Variants in ARSF observed in about 807,000 individuals in gnomAD.
ARSF encodes arylsulfatase F.
A neutral mutation model predicts 35.4 loss-of-function variants in ARSF; 33 were observed. The observed-to-expected ratio is 0.93, with a 90% CI of 0.71 to 1.25. The LOEUF (loss-of-function observed/expected upper bound fraction) is 1.25. ARSF is among the 50% of genes most tolerant of loss of function. The pLI is 0.00. For synonymous variants in ARSF, 222 were observed against 193.1 expected, an observed-to-expected ratio of 1.15 and a Z score of -1.24; for missense variants, 501 against 480.2, an observed-to-expected ratio of 1.04 and a Z score of -0.40.
intron 6 of ARSF, among the ~76,000 whole-genome samples, chrX:3,084,905 T>C (rs1290690596): frequency 1.8e-5 from 2 of 112,089 alleles, no homozygotes; most frequent in Admixed American, 1.9e-4. Flanking sequence ...TTACAAATTA[T>C]ATGAATGTAT....
At chrX:3,106,330 A>G (rs1226732848) in intron 9 of ARSF, among the ~76,000 whole-genome samples, 1 of 112,193 alleles carries the variant, frequency 8.9e-6, no homozygotes, top group Admixed American at 9.5e-5. Flanking sequence ...GGTTATTCCT[A>G]TGCTTGGTTC....
chrX:3,067,785 G>C (rs999010650), intron 1 of ARSF, among the ~76,000 whole-genome samples: 4 of 108,688 alleles, frequency 3.7e-5, no homozygotes, highest in Non-Finnish European at 7.6e-5. Flanking sequence ...CTTGAACCCG[G>C]GAGGCAGAGG....
At chrX:3,092,176 GATACATACATACATACATAC>G (rs776181940) in intron 7 of ARSF, among the ~76,000 whole-genome samples, 1 of 41,117 alleles carries the variant, frequency 2.4e-5, no homozygotes, top group Non-Finnish European at 5.1e-5. Context: ...ATGATAGATA[GATACATACATACATACATAC>G]ATACATACAT....
At chrX:3,045,950 T>C (rs1376157806) in intron 1 of ARSF, among the ~76,000 whole-genome samples, 1 of 110,722 alleles carries the variant, frequency 9.0e-6, no homozygotes, top group Non-Finnish European at 1.9e-5. Flanking sequence ...TGGCGTGATC[T>C]TGGCCTAATG....
At chrX:3,066,091 T>TAAACA (rs975516860) in intron 1 of ARSF, among the ~76,000 whole-genome samples, 18 of 111,614 alleles carry the variant, frequency 1.6e-4, no homozygotes, top group African/African-American at 4.2e-4. Context: ...ACCAGTCTCA[T>TAAACA]AAACAAAACA....
At chrX:3,063,416 A>C (rs1407405563) in intron 1 of ARSF, among the ~76,000 whole-genome samples, 1 of 111,714 alleles carries the variant, frequency 9.0e-6, no homozygotes, top group Non-Finnish European at 1.9e-5. Context: ...GCTCTCTTTC[A>C]CCACTCCTAT....
chrX:3,103,677 A>ATAC, intron 8 of ARSF, 85 bp from the exon 9 acceptor site: 1 of 1,092,012 alleles, frequency 9.2e-7, no homozygotes, highest in Admixed American at 2.3e-5. Flanking sequence ...ATCTCTTTTG[A>ATAC]TACTAGCTTA....
intron 7 of ARSF, among the ~76,000 whole-genome samples, chrX:3,093,049 C>G (rs1236188861): frequency 9.1e-6 from 1 of 109,753 alleles, no homozygotes; most frequent in Admixed American, 9.6e-5. Flanking sequence ...GTCTGTAGTC[C>G]CAGCTACTCG....
intron 7 of ARSF, among the ~76,000 whole-genome samples, chrX:3,098,047 AACACACACACACACACACACACACACAC>A (rs3032523): frequency 1.1e-5 from 1 of 88,072 alleles, no homozygotes; most frequent in African/African-American, 4.3e-5. Flanking sequence ...ATACACACAC[AACACACACACACACACACACACACACAC>A]ACACACACAC....
At position 3,101,234 on chromosome X, in the gene ARSF, A is replaced by G. The variant is rs1258433113; in HGVS notation, c.1102+13A>G. On this transcript the variant is annotated intron_variant, in intron 8 of 10. Coordinates refer to ENST00000381127, the MANE Select transcript of ARSF (RefSeq NM_001201539.2). ...GGAATATACAAAGGTGAGGAGAGGA[A>G]CTCATGCAAGTGATCTGGTGGTGAA... 1.7e-6 allele frequency: 2 copies of G among 1,203,001 alleles called. No individual in the cohort carries two copies. Among genetic ancestry groups the G allele is most frequent in the Non-Finnish European group, 2.2e-6 (2 of 890,734 alleles).
chrX:3,100,267 A>G (rs2090366616), intron 7 of ARSF, among the ~76,000 whole-genome samples: 1 of 112,287 alleles, frequency 8.9e-6, no homozygotes, highest in African/African-American at 3.2e-5. Context: ...TGTGAACCCA[A>G]CAGTGGGAGT....
At chrX:3,079,970 C>CAAAAAAAAAAAAAAAAA (rs1224175073) in intron 4 of ARSF, among the ~76,000 whole-genome samples, 1 of 28,386 alleles carries the variant, frequency 3.5e-5, no homozygotes, top group Non-Finnish European at 5.6e-5. Context: ...ACAACAACAA[C>CAAAAAAAAAAAAAAAAA]AAAAAAAAAA....
chrX:3,084,194 C>T (rs780747489), intron 5 of ARSF, 49 bp from the exon 6 acceptor site: 1 of 1,163,310 alleles, frequency 8.6e-7, no homozygotes, highest in Non-Finnish European at 1.2e-6. Flanking sequence ...AATGTGCTGG[C>T]ATATGTTGAC....
intron 4 of ARSF, among the ~76,000 whole-genome samples, chrX:3,079,970 CAA>C (rs1224175073): frequency 0.037 from 1,057 of 28,345 alleles, 2 homozygotes; most frequent in Middle Eastern, 0.27. Flanking sequence ...ACAACAACAA[CAA>C]AAAAAAAAAA....
intron 1 of ARSF, among the ~76,000 whole-genome samples, chrX:3,063,501 G>C (rs1433570168): frequency 2.7e-5 from 3 of 111,756 alleles, no homozygotes; most frequent in African/African-American, 9.8e-5. Context: ...ATTAGGAAAA[G>C]AGGAAGTCGA....
chrX:3,066,224 C>A (rs775686954), intron 1 of ARSF, among the ~76,000 whole-genome samples: 51 of 111,950 alleles, frequency 4.6e-4, no homozygotes, highest in African/African-American at 1.6e-3. Context: ...ATTCTCAAAT[C>A]TTTATTTAAA....
At chrX:3,062,132 C>A (rs1389666380) in intron 1 of ARSF, among the ~76,000 whole-genome samples, 6 of 108,787 alleles carry the variant, frequency 5.5e-5, no homozygotes, top group Admixed American at 2.0e-4. Context: ...CAAATTAGAA[C>A]TCAGGATTAA....
At chrX:3,041,784 T>C (rs1227885391) in intron 1 of ARSF, 121 bp downstream of exon 1, 2 of 112,416 alleles carry the variant, frequency 1.8e-5, no homozygotes, top group East Asian at 5.6e-4. Context: ...CACATATACA[T>C]TTTTTACGTG....
At chrX:3,074,059 C>T (rs2090129074) in intron 3 of ARSF, among the ~76,000 whole-genome samples, 1 of 110,436 alleles carries the variant, frequency 9.1e-6, no homozygotes, top group African/African-American at 3.3e-5. Flanking sequence ...AGGTAGTCAT[C>T]ACAGTTTTCG....
Sources: gnomAD v4.1 joint callset for allele counts (sites outside exome capture counted in the v4.1 genomes callset) on GRCh38, gnomAD v4.1.1 for gene constraint, MANE v1.5 for transcripts, NCBI Gene and HGNC (gene_info 2026-07-23, HGNC 2026-07-21) for gene names.